ADGRF5: variants seen among roughly 807,000 people sequenced by gnomAD.
ADGRF5 encodes adhesion G protein-coupled receptor F5.
ADGRF5 carries 75 observed loss-of-function variants against 132.3 expected under a neutral mutation model. The ratio of observed to expected loss-of-function variants is 0.57; its 90% CI spans 0.47 to 0.69. The LOEUF is 0.69. Among genes scored for constraint, ADGRF5 ranks in the 30% least tolerant of loss-of-function variants. The probability of loss-of-function intolerance (pLI) is 0.00; values close to 1 mark genes in which losing one functional copy is unlikely to be tolerated. For synonymous variants in ADGRF5, 629 were observed against 597.6 expected (o/e 1.05, Z -0.77); for missense variants, 1,516 against 1,630.6 (o/e 0.93, Z 1.21).
chr6:46,888,639 A>G, intron 3 of ADGRF5, 134 bp from the exon 4 acceptor site: 1 of 652,318 alleles, frequency 1.5e-6, no homozygotes, highest in South Asian at 2.0e-5. Context: ...AGGAATTTCT[A>G]ATGAAATCTT....
intron 13 of ADGRF5, among the ~76,000 whole-genome samples, chr6:46,866,711 C>T (rs534376040): frequency 6.6e-6 from 1 of 151,916 alleles, no homozygotes; most frequent in African/African-American, 2.4e-5. Flanking sequence ...AAAAAAAAGG[C>T]TCCACCATTG....
chr6:46,859,332 T>C lies in ADGRF5; in HGVS notation c.2571A>G (p.Val857=), dbSNP rs376295199. 1.2e-6 allele frequency: 2 copies of C among 1,613,886 alleles called. No homozygotes were observed. The highest frequency in any genetic ancestry group is 1.7e-6 in the Non-Finnish European group (2 of 1,179,768). Residue 857 remains valine, a synonymous_variant, in exon 17 of 21, where the codon GTA becomes GTG. Transcript: ENST00000283296. ...SQTNVQMSSM[V]IKSSHPETYQ... Reference sequence around the variant, plus strand: ...AGGTTTCTGGGTGGCTGGACTTGATTACCATGCTGCTCATCTGCACATTAG... The same window carrying C: ...AGGTTTCTGGGTGGCTGGACTTGATCACCATGCTGCTCATCTGCACATTAG...
chr6:46,870,128 C>A (rs1228147219), intron 11 of ADGRF5, among the ~76,000 whole-genome samples: 1 of 151,876 alleles, frequency 6.6e-6, no homozygotes, highest in Non-Finnish European at 1.5e-5. Flanking sequence ...GGCCTACTTA[C>A]CCAGTCAGTG....
At chr6:46,915,010 C>T (rs1241807082) in intron 1 of ADGRF5, among the ~76,000 whole-genome samples, 1 of 151,892 alleles carries the variant, frequency 6.6e-6, no homozygotes, top group Non-Finnish European at 1.5e-5. Context: ...AACATGCCAC[C>T]ATGCCCGGCT....
chr6:46,874,078 A>G (rs902290508), intron 10 of ADGRF5, among the ~76,000 whole-genome samples: 1 of 152,162 alleles, frequency 6.6e-6, no homozygotes, highest in Non-Finnish European at 1.5e-5. Flanking sequence ...TCAGACCTTA[A>G]AACTTATTTT....
In ADGRF5 at chr6:46,881,547, A is replaced by G. The variant is rs1290823857; in HGVS notation, c.722T>C (p.Leu241Pro). 1.2e-6 allele frequency: 2 copies of G among 1,613,694 alleles called. No individual in the cohort carries two copies. Among genetic ancestry groups the G allele is most frequent in the East Asian group, 2.2e-5 (1 of 44,882 alleles). The change falls in exon 8 of 21, where the codon CTT (leucine) becomes CCT (proline). Residue 241 changes from leucine (L) to proline (P), a missense_variant. Leu to Pro is a moderately conservative substitution (Grantham distance 98). This residue lies in a region of ADGRF5 where 945 missense variants were observed against 929.4 expected (regional missense o/e 1.02). Transcript: ENST00000283296. ...TTCATTGGCTTTATGTATTAACTCAAGTGATGGTGGTGTAGTCTTGACTTC... is the reference window on the plus strand; with the variant it reads ...TTCATTGGCTTTATGTATTAACTCAGGTGATGGTGGTGTAGTCTTGACTTC... The part of the protein sequence containing the change: ...TYEVKTTPPS[L>P]ELIHKANEQV...
At position 46,884,810 on chromosome 6, in the gene ADGRF5, C is replaced by T. The variant is rs76823719; in HGVS notation, c.329-539G>A. Among the ~76,000 whole-genome samples the T allele has an allele frequency of 5.8e-3, 879 of 152,304 alleles. 12 individuals are homozygous for T. Among genetic ancestry groups the T allele is most frequent in the African/African-American group, 0.02 (825 of 41,554 alleles). Reference sequence around the variant, plus strand: ...GAAGTTGACTGCCATGGCATGAAGACACATCATGGAGAGGTCCACATGGCA... The same window carrying T: ...GAAGTTGACTGCCATGGCATGAAGATACATCATGGAGAGGTCCACATGGCA... On this transcript the variant is annotated intron_variant, in intron 4 of 20. Coordinates refer to ENST00000283296, the MANE Select transcript of ADGRF5 (RefSeq NM_001098518.2).
At chr6:46,948,359 A>G (rs1309341122) in intron 1 of ADGRF5, among the ~76,000 whole-genome samples, 1 of 152,152 alleles carries the variant, frequency 6.6e-6, no homozygotes, top group African/African-American at 2.4e-5. Context: ...CCCCAAACTA[A>G]TAGGATGTGA....
chr6:46,854,258 G>A (rs1199511194), intron 20 of ADGRF5, among the ~76,000 whole-genome samples, 187 bp from the exon 21 acceptor site: 1 of 152,172 alleles, frequency 6.6e-6, no homozygotes, highest in Non-Finnish European at 1.5e-5. Context: ...CAGAGCTGTC[G>A]TTCTCATGCA....
At chr6:46,882,432 T>G (rs220665) in intron 6 of ADGRF5, among the ~76,000 whole-genome samples, 136,224 of 152,260 alleles carry the variant, frequency 0.89, 61,091 homozygotes, top group African/African-American at 0.94. Flanking sequence ...TTGGCTAAAA[T>G]CATCCTAGCC....
intron 14 of ADGRF5, among the ~76,000 whole-genome samples, chr6:46,863,585 T>A (rs541919571): frequency 1.3e-5 from 2 of 152,348 alleles, no homozygotes; most frequent in East Asian, 3.9e-4. Context: ...TTTAAGCATT[T>A]GTTCCTTCTG....
At chr6:46,917,313 G>T (rs553278122) in intron 1 of ADGRF5, among the ~76,000 whole-genome samples, 2 of 152,128 alleles carry the variant, frequency 1.3e-5, no homozygotes, top group African/African-American at 4.8e-5. Context: ...TGCATGAACC[G>T]CATTTCTCTC....
chr6:46,865,250 C>T, intron 13 of ADGRF5, 53 bp from the exon 14 acceptor site: 2 of 1,281,136 alleles, frequency 1.6e-6, no homozygotes, highest in African/African-American at 1.5e-5. Context: ...CTCTAATGCA[C>T]AAATTGTGTT....
rs529782823 is a variant in ADGRF5 at position 46,881,949 on chromosome 6, G to C, written c.671+100C>G. ...ACCTCTACCAAACTGCTCCTGCTGA[G>C]GATTCCACATGAATAATGCCTCTCT... On this transcript the variant is annotated intron_variant, in intron 7 of 20. Coordinates refer to ENST00000283296, the MANE Select transcript of ADGRF5 (RefSeq NM_001098518.2). 52 of 896,496 alleles carry C rather than the reference G, an allele frequency of 5.8e-5. 1 individual carries two copies. The highest frequency in any genetic ancestry group is 4.9e-4 in the African/African-American group (30 of 61,118). 55.5% of individuals were successfully genotyped at this position (896,496 alleles called of 1,614,324 possible).
intron 19 of ADGRF5, 47 bp from the exon 20 acceptor site, chr6:46,856,105 C>A (rs768812411): frequency 1.9e-6 from 2 of 1,080,384 alleles, no homozygotes; most frequent in African/African-American, 3.1e-5. Context: ...ATTTGTGGGA[C>A]CAAAGCTGTT....
intron 3 of ADGRF5, among the ~76,000 whole-genome samples, chr6:46,897,836 G>A (rs568495214): frequency 2.0e-5 from 3 of 152,264 alleles, no homozygotes; most frequent in Admixed American, 1.3e-4. Flanking sequence ...GAGCCACCAC[G>A]CTGAGTCATG....
chr6:46,883,520 C>T (rs1196956927), intron 6 of ADGRF5, 39 bp downstream of exon 6: 6 of 999,680 alleles, frequency 6.0e-6, no homozygotes, highest in Non-Finnish European at 6.4e-6. Flanking sequence ...TCAGTCCAAA[C>T]AGTTTGTTAG....
At chr6:46,947,003 G>C (rs535232395) in intron 1 of ADGRF5, among the ~76,000 whole-genome samples, 1 of 152,268 alleles carries the variant, frequency 6.6e-6, no homozygotes, top group African/African-American at 2.4e-5. Flanking sequence ...TGGCTTCTTT[G>C]CACTCTCATT....
At chr6:46,927,959 T>C (rs1377548503) in intron 1 of ADGRF5, among the ~76,000 whole-genome samples, 1 of 152,208 alleles carries the variant, frequency 6.6e-6, no homozygotes, top group African/African-American at 2.4e-5. Flanking sequence ...ATAGCTGTAT[T>C]GCCCTCTTGA....
Sources: allele counts gnomAD v4.1 joint callset (sites outside exome capture counted in the v4.1 genomes callset), GRCh38; gene constraint gnomAD v4.1.1; regional missense constraint gnomAD v4.1.1; transcripts MANE v1.5; gene names NCBI Gene and HGNC (gene_info 2026-07-23, HGNC 2026-07-21).